ADAMTSL1: variants seen among roughly 807,000 people sequenced by gnomAD.
ADAMTSL1 encodes the protein ADAMTS-like protein 1.
A neutral mutation model predicts 201.8 loss-of-function variants in ADAMTSL1; 126 were observed. The observed-to-expected ratio is 0.62, with a 90% confidence interval of 0.54 to 0.72. The LOEUF (loss-of-function observed/expected upper bound fraction) is 0.72. ADAMTSL1 is among the 30% of genes least tolerant of loss of function. The pLI is 0.00. For missense variants in ADAMTSL1, 2,679 were observed against 2,277.8 expected, an observed-to-expected ratio of 1.18 and a Z score of -3.59; for synonymous variants, 1,121 against 903.4, an observed-to-expected ratio of 1.24 and a Z score of -4.32.
chr9:18,196,212 C>T (rs1198501043), intron 2 of ADAMTSL1, among the ~76,000 whole-genome samples: 2 of 152,056 alleles, frequency 1.3e-5, no homozygotes, highest in Admixed American at 6.6e-5. Context: ...CCTAAACAAA[C>T]TGCTAAGATA....
chr9:18,280,188 G>A (rs1274845392), intron 2 of ADAMTSL1, among the ~76,000 whole-genome samples: 1 of 151,984 alleles, frequency 6.6e-6, no homozygotes, highest in Non-Finnish European at 1.5e-5. Context: ...CTGGAGCCTG[G>A]TCTCCACTGG....
chr9:18,832,586 C>G (rs372030646), intron 23 of ADAMTSL1, among the ~76,000 whole-genome samples: 17 of 152,274 alleles, frequency 1.1e-4, no homozygotes, highest in South Asian at 6.2e-4. Flanking sequence ...TAACAGAATT[C>G]TAGACCAAGG....
chr9:18,542,960 C>T (rs908221094), intron 3 of ADAMTSL1, among the ~76,000 whole-genome samples: 2 of 152,116 alleles, frequency 1.3e-5, no homozygotes, highest in South Asian at 2.1e-4. Context: ...ACCTCATTTC[C>T]GGCAGAACTG....
At chr9:18,888,483 G>A (rs1388684733) in intron 24 of ADAMTSL1, among the ~76,000 whole-genome samples, 2 of 152,228 alleles carry the variant, frequency 1.3e-5, no homozygotes, top group African/African-American at 2.4e-5. Context: ...TTCAGCTTTA[G>A]TCATAAGCTG....
intron 9 of ADAMTSL1, among the ~76,000 whole-genome samples, chr9:18,674,223 A>ACACACACACACAC (rs1564139447): frequency 6.1e-5 from 8 of 130,552 alleles, no homozygotes; most frequent in African/African-American, 2.0e-4. Flanking sequence ...CACACACACA[A>ACACACACACACAC]ACACACACAT....
At chr9:18,663,990 T>C (rs751396879) in intron 9 of ADAMTSL1, among the ~76,000 whole-genome samples, 6 of 151,916 alleles carry the variant, frequency 3.9e-5, no homozygotes, top group African/African-American at 9.7e-5. Context: ...TTACAGCACA[T>C]GAGTAAATGT....
At chr9:17,922,423 G>A (rs1177204628) in intron 1 of ADAMTSL1, among the ~76,000 whole-genome samples, 1 of 152,174 alleles carries the variant, frequency 6.6e-6, no homozygotes, top group Admixed American at 6.5e-5. Flanking sequence ...ACTAAAAGCT[G>A]AGAAGTTTTT....
chr9:18,199,232 A>G (rs1829326476), intron 2 of ADAMTSL1, among the ~76,000 whole-genome samples: 3 of 152,120 alleles, frequency 2.0e-5, no homozygotes, highest in Admixed American at 2.0e-4. Context: ...CACAATGTGC[A>G]CATGTACCCT....
In ADAMTSL1 at chr9:17,983,064, C is replaced by CTTTTTTTTTTTTTTTTTTTT. The variant is rs202085722; in HGVS notation, c.87+76145_87+76146insTTTTTTTTTTTTTTTTTTTT. On this transcript the variant is annotated intron_variant, in intron 1 of 29. Transcript: ENST00000680146. ...TTTTCATTTTCTTTTTCTTTTCTTTCTTTCTTTCTTTCTTTTTTTTTTTTG... is the reference window on the plus strand; with the variant it reads ...TTTTCATTTTCTTTTTCTTTTCTTTCTTTTTTTTTTTTTTTTTTTTTTTCTTTCTTTCTTTTTTTTTTTTG... Among the ~76,000 whole-genome samples, 30 of 88,564 alleles carry CTTTTTTTTTTTTTTTTTTTT rather than the reference C, an allele frequency of 3.4e-4. 3 individuals carry two copies. Among genetic ancestry groups the CTTTTTTTTTTTTTTTTTTTT allele is most frequent in the African/African-American group, 8.2e-4 (19 of 23,238 alleles). The allele number at this position is 88,564 out of a possible 152,430, so 58.1% of individuals were successfully genotyped here. A position where few individuals can be genotyped will look rare whatever the true frequency, so the allele number is the denominator to read the frequency against.
Position 18,522,690 on chromosome 9 carries a change from G to C in ADAMTSL1, c.192-10557G>C, listed in dbSNP as rs563724705. 2.0e-5 allele frequency among the ~76,000 whole-genome samples: 3 copies of C among 149,604 alleles called. No homozygotes were observed. In the South Asian group the frequency reaches 6.3e-4, roughly 32 times the overall value. ...CCACCTATGAGTGAGAACATGCGATGTTTGTTTTTTTTTTCCCTGCAATAG... is the reference window on the plus strand; with the variant it reads ...CCACCTATGAGTGAGAACATGCGATCTTTGTTTTTTTTTTCCCTGCAATAG... On this transcript the variant is annotated intron_variant, in intron 2 of 28. Coordinates refer to ENST00000380548, the MANE Select transcript of ADAMTSL1 (RefSeq NM_001040272.6).
intron 2 of ADAMTSL1, among the ~76,000 whole-genome samples, chr9:18,305,004 A>G (rs1241869698): frequency 6.6e-6 from 1 of 152,148 alleles, no homozygotes; most frequent in Non-Finnish European, 1.5e-5. Context: ...CAGCTGAGGT[A>G]CCAGGTGCAT....
intron 2 of ADAMTSL1, among the ~76,000 whole-genome samples, chr9:18,310,796 C>A (rs1388171494): frequency 6.6e-6 from 1 of 152,110 alleles, no homozygotes; most frequent in Non-Finnish European, 1.5e-5. Flanking sequence ...GGCACTGTGG[C>A]AATTCCTCAA....
chr9:18,466,076 T>C (rs1322717192), intron 2 of ADAMTSL1, among the ~76,000 whole-genome samples: 1 of 152,160 alleles, frequency 6.6e-6, no homozygotes, highest in Non-Finnish European at 1.5e-5. Flanking sequence ...AAAAGAACTT[T>C]TCATTCTCTT....
chr9:18,676,737 A>C (rs1587868361), intron 10 of ADAMTSL1, among the ~76,000 whole-genome samples: 2 of 152,186 alleles, frequency 1.3e-5, no homozygotes, highest in African/African-American at 4.8e-5. Flanking sequence ...TTTAGAACCA[A>C]GGGTTTATAT....
chr9:18,693,209 A>G (rs1831340054), intron 13 of ADAMTSL1, among the ~76,000 whole-genome samples: 1 of 152,214 alleles, frequency 6.6e-6, no homozygotes. Flanking sequence ...TGTAAAAATT[A>G]TTGAAGTCAG....
chr9:18,588,945 T>C (rs557234759), intron 4 of ADAMTSL1, among the ~76,000 whole-genome samples: 8 of 129,932 alleles, frequency 6.2e-5, no homozygotes, highest in Non-Finnish European at 8.7e-5. Flanking sequence ...AGTCTCACTC[T>C]GTCACCCAGG....
chr9:18,021,951 A>T (rs1403999866), intron 1 of ADAMTSL1, among the ~76,000 whole-genome samples: 2 of 152,180 alleles, frequency 1.3e-5, no homozygotes, highest in Non-Finnish European at 2.9e-5. Flanking sequence ...AATGTTCATA[A>T]TGAAAGCTCA....
chr9:17,977,492 A>G (rs960884740), intron 1 of ADAMTSL1, among the ~76,000 whole-genome samples: 8 of 151,990 alleles, frequency 5.3e-5, no homozygotes, highest in African/African-American at 1.9e-4. Flanking sequence ...GTTTGTTCAG[A>G]TGATCTATTT....
intron 1 of ADAMTSL1, among the ~76,000 whole-genome samples, chr9:18,119,962 A>G (rs1825429362): frequency 6.6e-6 from 1 of 152,204 alleles, no homozygotes; most frequent in Admixed American, 6.5e-5. Flanking sequence ...TTCATTATAT[A>G]TAGGCCATGT....
Sources: allele counts gnomAD v4.1 joint callset (sites outside exome capture counted in the v4.1 genomes callset), GRCh38; gene constraint gnomAD v4.1.1; transcripts MANE v1.5; gene names NCBI Gene and HGNC (gene_info 2026-07-23, HGNC 2026-07-21).